NAA50: variants seen among roughly 807,000 people sequenced by gnomAD.
NAA50 encodes the protein N-alpha-acetyltransferase 50, NatE catalytic subunit.
NAA50 carries 7 observed loss-of-function variants against 20.7 expected under a neutral mutation model. That is an observed-to-expected ratio of 0.34 (90% CI 0.19 to 0.63). The LOEUF (loss-of-function observed/expected upper bound fraction) is 0.63. NAA50 is among the 30% of genes least tolerant of loss of function. The pLI is 0.75. For missense variants in NAA50, 111 were observed against 199.1 expected, an observed-to-expected ratio of 0.56 and a Z score of 2.66; for synonymous variants, 54 against 70.6, an observed-to-expected ratio of 0.77 and a Z score of 1.18.
chr3:113,741,096 G>A (rs1201440261), intron 1 of NAA50: 2 of 539,816 alleles, frequency 3.7e-6, no homozygotes, highest in East Asian at 9.5e-5. Context: ...ATTGTTTTCA[G>A]AAAGTTATGT....
At chr3:113,745,865 T>C (rs1708489328) in intron 1 of NAA50, 77 bp downstream of exon 1, 2 of 1,513,614 alleles carry the variant, frequency 1.3e-6, no homozygotes, top group East Asian at 2.6e-5. Context: ...CTCCTCGCCT[T>C]TGCGGCTCTC....
chr3:113,746,187 G>A lies in NAA50; in HGVS notation c.-238C>T, dbSNP rs1370931467. ...CCGCCGCTTCTCCACACGTGCACTC[G>A]GGTCTCTCGGCTCCCTCCCGCCGCT... On this transcript the variant is annotated 5_prime_UTR_variant, in exon 1 of 5. Coordinates refer to ENST00000240922, the MANE Select transcript of NAA50 (RefSeq NM_025146.4). 3.8e-6 allele frequency: 2 copies of A among 524,002 alleles called. No homozygotes were observed. The highest frequency in any genetic ancestry group is 2.4e-5 in the South Asian group (1 of 41,526). 32.5% of individuals were successfully genotyped at this position (524,002 alleles called of 1,614,324 possible).
At chr3:113,740,946 T>A (rs1708406282) in intron 1 of NAA50, 1 of 513,474 alleles carries the variant, frequency 1.9e-6, no homozygotes, top group Non-Finnish European at 3.9e-6. Flanking sequence ...AACAGAAGCT[T>A]TATCACTTTG....
intron 1 of NAA50, among the ~76,000 whole-genome samples, chr3:113,725,770 CA>C (rs1444216679): frequency 1.3e-5 from 2 of 151,632 alleles, no homozygotes; most frequent in Non-Finnish European, 2.9e-5. Flanking sequence ...AAAAACAAAA[CA>C]AAAAACAGCA....
At position 113,721,636 on chromosome 3, in the gene NAA50, AAG is replaced by A; in HGVS notation, c.*122_*123del. ...ACTCTCAGAGAAAAGGAAAGGAAGAAAGAAAAACAAGAACAAGGAGGGAGAAA... is the reference window on the plus strand; with the variant it reads ...ACTCTCAGAGAAAAGGAAAGGAAGAAAAAAACAAGAACAAGGAGGGAGAAA... On this transcript the variant is annotated 3_prime_UTR_variant, in exon 5 of 5. Transcript: ENST00000240922. 2.1e-6 allele frequency: 2 copies of A among 972,222 alleles called. No homozygotes were observed. Among genetic ancestry groups the A allele is most frequent in the Non-Finnish European group, 3.1e-6 (2 of 641,548 alleles). The allele number at this position is 972,222 out of a possible 1,614,324, so 60.2% of individuals were successfully genotyped here.
Position 113,721,678 on chromosome 3 carries a change from A to T in NAA50, c.*82T>A. 7.1e-7 allele frequency: 1 copy of T among 1,413,692 alleles called. No individual in the cohort carries two copies. 87.6% of individuals were successfully genotyped at this position (1,413,692 alleles called of 1,614,324 possible). On this transcript the variant is annotated 3_prime_UTR_variant, in exon 5 of 5. Coordinates refer to ENST00000240922, the MANE Select transcript of NAA50 (RefSeq NM_025146.4). ...GGAGGGAGAAAAGCTTTAAAAGAAAAGTGTTGGGGTGGGGGAGGAATCAAT... is the reference window on the plus strand; with the variant it reads ...GGAGGGAGAAAAGCTTTAAAAGAAATGTGTTGGGGTGGGGGAGGAATCAAT...
intron 1 of NAA50, among the ~76,000 whole-genome samples, chr3:113,733,017 A>AT (rs367598474): frequency 0.056 from 7,808 of 140,670 alleles, 519 homozygotes; most frequent in African/African-American, 0.16. Flanking sequence ...GCTATTAGCC[A>AT]TTTTTTTTTT....
intron 1 of NAA50, among the ~76,000 whole-genome samples, chr3:113,725,084 T>G (rs925562176): frequency 6.6e-6 from 1 of 152,202 alleles, no homozygotes; most frequent in Non-Finnish European, 1.5e-5. Flanking sequence ...ATCAAAACAA[T>G]TGGGTCCATG....
At chr3:113,725,412 T>C (rs892090885) in intron 1 of NAA50, among the ~76,000 whole-genome samples, 58 of 152,284 alleles carry the variant, frequency 3.8e-4, no homozygotes, top group African/African-American at 1.3e-3. Context: ...GTAGAAATTG[T>C]AATTTTAAAA....
intron 1 of NAA50, among the ~76,000 whole-genome samples, chr3:113,733,434 A>G (rs943759556): frequency 6.6e-6 from 1 of 152,192 alleles, no homozygotes; most frequent in Non-Finnish European, 1.5e-5. Flanking sequence ...CTAATGTGAA[A>G]AAAAATCTAT....
At chr3:113,728,369 T>C (rs1018112468) in intron 1 of NAA50, among the ~76,000 whole-genome samples, 13 of 152,150 alleles carry the variant, frequency 8.5e-5, no homozygotes, top group African/African-American at 3.1e-4. Flanking sequence ...TGCAAAGGTG[T>C]TTACATCTGG....
chr3:113,745,624 A>C, intron 1 of NAA50: 1 of 360,660 alleles, frequency 2.8e-6, no homozygotes, highest in Non-Finnish European at 5.0e-6. Context: ...CGCTCCCGGG[A>C]AGGAGGCCCC....
intron 1 of NAA50, chr3:113,741,263 G>A (rs1289758141): frequency 7.8e-6 from 3 of 383,578 alleles, no homozygotes; most frequent in Admixed American, 3.7e-5. Context: ...ATCTTACCCG[G>A]GAAATGGCAA....
At chr3:113,723,058 A>G in intron 3 of NAA50, 86 bp from the exon 4 acceptor site, 1 of 1,409,530 alleles carries the variant, frequency 7.1e-7, no homozygotes, top group Non-Finnish European at 9.4e-7. Context: ...TGAACTACTT[A>G]TTGAGTCCTA....
At position 113,728,481 on chromosome 3, in the gene NAA50, C is replaced by T. The variant is rs1055479276; in HGVS notation, c.9-4386G>A. Among the ~76,000 whole-genome samples, 5 of 152,058 alleles carry T rather than the reference C, an allele frequency of 3.3e-5. No homozygotes were observed. The East Asian group carries it at 5.8e-4, about 18-fold the overall frequency. ...TGACAATGGGAAACATTTTGAAGAACGACTAGCTTATCCTGTGGAAGGGCA... is the reference window on the plus strand; with the variant it reads ...TGACAATGGGAAACATTTTGAAGAATGACTAGCTTATCCTGTGGAAGGGCA... On this transcript the variant is annotated intron_variant, in intron 1 of 4. Coordinates refer to ENST00000240922, the MANE Select transcript of NAA50 (RefSeq NM_025146.4).
Position 113,721,519 on chromosome 3 carries a change from A to C in NAA50, c.*241T>G, listed in dbSNP as rs1002840195. ...TAACTTCAACTGCAAAACTAAACAG[A>C]TCTACCTTGTCCTTCCTTCAAACCA... On this transcript the variant is annotated 3_prime_UTR_variant, in exon 5 of 5. Transcript: ENST00000240922. The C allele has an allele frequency of 5.5e-6, 3 of 542,302 alleles. No homozygotes were observed. In the African/African-American group the frequency reaches 5.7e-5, roughly 10 times the overall value. The allele number at this position is 542,302 out of a possible 1,614,324, so 33.6% of individuals were successfully genotyped here.
chr3:113,744,140 T>C (rs1397094113), intron 1 of NAA50, among the ~76,000 whole-genome samples: 1 of 151,988 alleles, frequency 6.6e-6, no homozygotes, highest in African/African-American at 2.4e-5. Context: ...AGTACAAAAA[T>C]GAGTAAGAGT....
Position 113,718,138 on chromosome 3 carries a change from T to A in NAA50, c.*3622A>T, listed in dbSNP as rs1298771530. ...GCTCTAGGGGAAGCCACATACCAGT[T>A]GTCCACCAGGCAACTGGTGCCCAAG... On this transcript the variant is annotated 3_prime_UTR_variant, in exon 5 of 5. Coordinates refer to ENST00000240922, the MANE Select transcript of NAA50 (RefSeq NM_025146.4). 1 of 152,190 alleles carries A rather than the reference T, an allele frequency of 6.6e-6. No individual in the cohort carries two copies. Among genetic ancestry groups the A allele is most frequent in the African/African-American group, 2.4e-5 (1 of 41,434 alleles). 9.4% of individuals were successfully genotyped at this position (152,190 alleles called of 1,614,324 possible).
intron 1 of NAA50, among the ~76,000 whole-genome samples, chr3:113,728,348 T>C (rs746314506): frequency 6.6e-6 from 1 of 152,248 alleles, no homozygotes; most frequent in African/African-American, 2.4e-5. Context: ...CTATGTGTTA[T>C]GCATCTGGAA....
Sources: gnomAD v4.1 joint callset for allele counts (sites outside exome capture counted in the v4.1 genomes callset) on GRCh38, gnomAD v4.1.1 for gene constraint, MANE v1.5 for transcripts, NCBI Gene and HGNC (gene_info 2026-07-23, HGNC 2026-07-21) for gene names.